The following CEACAM8 variants were observed in gnomAD, a reference collection of about 807,000 sequenced individuals.
CEACAM8 encodes the protein CEA cell adhesion molecule 8.
Under a neutral mutation model 33.4 loss-of-function variants are expected in CEACAM8, and 31 were observed. That is an observed-to-expected ratio of 0.93 (90% CI 0.70 to 1.25). The LOEUF (loss-of-function observed/expected upper bound fraction) is 1.25. Among genes scored for constraint, CEACAM8 ranks in the 50% most tolerant of loss-of-function variants. The pLI is 0.00. For synonymous variants in CEACAM8, 138 were observed against 164.5 expected (o/e 0.84, Z 1.23); for missense variants, 388 against 434.6 (o/e 0.89, Z 0.95).
Position 42,589,734 on chromosome 19 carries a change from C to T in CEACAM8, c.426G>A (p.Pro142=), listed in dbSNP as rs200245733. ...TGGAGATGGAGGGCTTGGGAGTCTC[C>T]GCTGTGCAGAAAACAGAGAGAAGAT... ...EEVTGQFSVH[P]ETPKPSISSN... The change falls in exon 3 of 6, where the codon CCG becomes CCA. Residue 142 remains proline (P), a splice_region_variant and synonymous_variant. Coordinates refer to ENST00000244336, the MANE Select transcript of CEACAM8 (RefSeq NM_001816.4). The T allele has an allele frequency of 5.0e-4, 815 of 1,614,178 alleles. 8 individuals carry two copies. In the South Asian group the frequency reaches 7.5e-3, roughly 15 times the overall value.
chr19:42,594,552 A>T (rs45517531), intron 1 of CEACAM8, among the ~76,000 whole-genome samples: 1,572 of 152,296 alleles, frequency 0.01, 34 homozygotes, highest in African/African-American at 0.035. Context: ...ATTAACCAGG[A>T]ATATGGAACA....
At chr19:42,589,804 T>C in intron 2 of CEACAM8, 69 bp from the exon 3 acceptor site, 1 of 1,608,882 alleles carries the variant, frequency 6.2e-7, no homozygotes, top group East Asian at 2.2e-5. Context: ...AAATTTCAAT[T>C]AGAGTTGGCA....
chr19:42,589,352 TG>T, intron 3 of CEACAM8, 104 bp downstream of exon 3: 1 of 1,541,538 alleles, frequency 6.5e-7, no homozygotes, highest in Non-Finnish European at 8.9e-7. Context: ...TAGGGGTGGG[TG>T]GGGAATCTGC....
intron 4 of CEACAM8, 142 bp from the exon 5 acceptor site, chr19:42,583,479 C>T (rs1343368765): frequency 1.5e-5 from 10 of 650,484 alleles, no homozygotes; most frequent in South Asian, 5.4e-5. Context: ...GTTGCTGGGA[C>T]GTGATTAGCC....
chr19:42,593,404 T>C, intron 2 of CEACAM8, 137 bp downstream of exon 2: 1 of 1,087,688 alleles, frequency 9.2e-7, no homozygotes, highest in Non-Finnish European at 1.3e-6. Flanking sequence ...CCCCTGAGTG[T>C]GTCCTGCACT....
At chr19:42,581,920 A>AAAAATATATATATATATAT (rs1555805368) in intron 5 of CEACAM8, among the ~76,000 whole-genome samples, 1 of 25,308 alleles carries the variant, frequency 4.0e-5, no homozygotes, top group African/African-American at 1.6e-4. Flanking sequence ...AAAAAAAAAA[A>AAAAATATATATATATATAT]ATATATATAT....
At chr19:42,589,062 A>C in intron 3 of CEACAM8, 24 bp from the exon 4 acceptor site, 1 of 1,598,540 alleles carries the variant, frequency 6.3e-7, no homozygotes. Flanking sequence ...ATAAAGTCAC[A>C]GGTGATGTCA....
intron 4 of CEACAM8, 118 bp downstream of exon 4, chr19:42,588,666 G>C: frequency 8.9e-7 from 1 of 1,121,536 alleles, no homozygotes; most frequent in Non-Finnish European, 1.3e-6. Flanking sequence ...GAAAAGTTGG[G>C]GATTTGCTTG....
At chr19:42,584,221 C>T (rs2042298922) in intron 4 of CEACAM8, among the ~76,000 whole-genome samples, 1 of 152,046 alleles carries the variant, frequency 6.6e-6, no homozygotes, top group Non-Finnish European at 1.5e-5. Flanking sequence ...CACACACACA[C>T]ACACACAACC....
At chr19:42,583,162 G>T (rs528297526) in intron 5 of CEACAM8, 44 bp downstream of exon 5, 2 of 838,738 alleles carry the variant, frequency 2.4e-6, no homozygotes, top group Admixed American at 4.4e-5. Context: ...CAAGCATGGC[G>T]GTCAGCCCTG....
intron 2 of CEACAM8, among the ~76,000 whole-genome samples, chr19:42,591,736 C>G (rs1442214614): frequency 6.6e-6 from 1 of 152,214 alleles, no homozygotes; most frequent in Non-Finnish European, 1.5e-5. Flanking sequence ...GTGTGTGGAA[C>G]AGGCAGTAAG....
At chr19:42,587,224 C>A (rs923058786) in intron 4 of CEACAM8, among the ~76,000 whole-genome samples, 2 of 152,190 alleles carry the variant, frequency 1.3e-5, no homozygotes, top group Admixed American at 1.3e-4. Context: ...ACCATTGGAT[C>A]CAGCAATTCC....
intron 4 of CEACAM8, among the ~76,000 whole-genome samples, chr19:42,587,026 C>T (rs1281392592): frequency 6.6e-6 from 1 of 152,014 alleles, no homozygotes; most frequent in Non-Finnish European, 1.5e-5. Flanking sequence ...ATCAGAACCC[C>T]AATGATAGAA....
At chr19:42,581,395 TGAG>T (rs1206485695) in intron 5 of CEACAM8, 42 bp from the exon 6 acceptor site, 2 of 152,232 alleles carry the variant, frequency 1.3e-5, no homozygotes, top group Non-Finnish European at 2.9e-5. Flanking sequence ...GTTAAAACTC[TGAG>T]GAGAGCTCAT....
At chr19:42,592,400 C>T (rs976744226) in intron 2 of CEACAM8, among the ~76,000 whole-genome samples, 5 of 151,862 alleles carry the variant, frequency 3.3e-5, no homozygotes, top group Middle Eastern at 3.4e-3. Flanking sequence ...GTCAAGAAAT[C>T]GAGACCATCC....
At chr19:42,581,463 T>C (rs904260356) in intron 5 of CEACAM8, 110 bp from the exon 6 acceptor site, 1 of 152,226 alleles carries the variant, frequency 6.6e-6, no homozygotes, top group Non-Finnish European at 1.5e-5. Flanking sequence ...CATATGACAT[T>C]ATGACTGATA....
chr19:42,593,013 C>A (rs36063173), intron 2 of CEACAM8, among the ~76,000 whole-genome samples: 1,744 of 152,358 alleles, frequency 0.011, 16 homozygotes, highest in Non-Finnish European at 0.015. Flanking sequence ...GGCTGGTGAG[C>A]AGCTCCAGGA....
chr19:42,589,392 C>A, intron 3 of CEACAM8, 65 bp downstream of exon 3: 1 of 1,609,906 alleles, frequency 6.2e-7, no homozygotes, highest in East Asian at 2.2e-5. Context: ...GACTGAGAGG[C>A]CTGGCCTCTG....
intron 4 of CEACAM8, 77 bp from the exon 5 acceptor site, chr19:42,583,414 A>G: frequency 1.1e-6 from 1 of 885,224 alleles, no homozygotes; most frequent in Non-Finnish European, 1.9e-6. Context: ...ACCAGCTCCT[A>G]GCATGAAGTA....
Sources: allele counts gnomAD v4.1 joint callset (sites outside exome capture counted in the v4.1 genomes callset), GRCh38; gene constraint gnomAD v4.1.1; transcripts MANE v1.5; gene names NCBI Gene and HGNC (gene_info 2026-07-23, HGNC 2026-07-21).